The following PCDH9 variants were observed in gnomAD, a reference collection of about 807,000 sequenced individuals.
PCDH9 encodes protocadherin-9.
PCDH9 carries 24 observed loss-of-function variants against 70.6 expected under a neutral mutation model. The observed-to-expected ratio is 0.34, with a 90% CI of 0.25 to 0.48. The LOEUF (loss-of-function observed/expected upper bound fraction) is 0.48, where lower values mean the gene tolerates loss of function less well. PCDH9 is among the 20% of genes least tolerant of loss of function. The probability of loss-of-function intolerance (pLI) is 0.99; values close to 1 mark genes in which losing one functional copy is unlikely to be tolerated. For missense variants in PCDH9, 1,281 were observed against 1,503.6 expected, an observed-to-expected ratio of 0.85 and a Z score of 2.45; for synonymous variants, 562 against 558.5, an observed-to-expected ratio of 1.01 and a Z score of -0.09.
chr13:66,736,681 C>T (rs2079153880), intron 3 of PCDH9, among the ~76,000 whole-genome samples: 2 of 152,310 alleles, frequency 1.3e-5, no homozygotes, highest in Admixed American at 6.5e-5. Flanking sequence ...GTCATTGCAA[C>T]ATTTTTAAAT....
chr13:66,683,286 T>G (rs2078353774), intron 3 of PCDH9, among the ~76,000 whole-genome samples: 1 of 152,176 alleles, frequency 6.6e-6, no homozygotes, highest in Admixed American at 6.6e-5. Context: ...TTTACATGGT[T>G]TAACTGACAA....
In PCDH9 at chr13:67,226,193, G is replaced by T; in HGVS notation, c.2248C>A (p.Arg750Ser). 1 of 1,614,052 alleles carries T rather than the reference G, an allele frequency of 6.2e-7. No individual in the cohort carries two copies. The highest frequency in any genetic ancestry group is 8.5e-7 in the Non-Finnish European group (1 of 1,179,986). Residue 750 changes from arginine (R) to serine (S), a missense_variant, in exon 2 of 5, where the codon CGT (arginine) becomes AGT (serine). Coordinates refer to ENST00000377865, the MANE Select transcript of PCDH9 (RefSeq NM_203487.3). The surrounding 1 kb of genome is among the most constrained non-coding windows in gnomAD (Gnocchi z 5.0). ...AGGTCACTTATGTTGACCACCAAAC[G>T]ATGCAATCCCACATCAGTAGGTGCT... The part of the protein sequence containing the change: ...KPAPTDVGLH[R>S]LVVNISDLGY...
At chr13:66,553,884 CA>C (rs1313134182) in intron 4 of PCDH9, among the ~76,000 whole-genome samples, 1 of 151,970 alleles carries the variant, frequency 6.6e-6, no homozygotes, top group South Asian at 2.1e-4. Context: ...ACTTTATATA[CA>C]AAAATAATAA....
chr13:66,515,303 T>C (rs1198746813), intron 4 of PCDH9, among the ~76,000 whole-genome samples: 2 of 152,026 alleles, frequency 1.3e-5, no homozygotes, highest in Non-Finnish European at 2.9e-5. Context: ...CAAATTCAAG[T>C]TTATTATGCA....
intron 3 of PCDH9, among the ~76,000 whole-genome samples, chr13:66,829,162 C>T (rs1386208908): frequency 3.9e-5 from 6 of 152,062 alleles, no homozygotes; most frequent in Non-Finnish European, 8.8e-5. Context: ...GGACTACAGG[C>T]ATGTGCCACC....
chr13:66,423,984 G>A (rs1321195176), intron 4 of PCDH9, among the ~76,000 whole-genome samples: 1 of 152,052 alleles, frequency 6.6e-6, no homozygotes, highest in Non-Finnish European at 1.5e-5. Context: ...AAAGTCTCAG[G>A]ATACAAAATA....
chr13:66,828,519 C>CATCT (rs1485220447), intron 3 of PCDH9, among the ~76,000 whole-genome samples: 1 of 152,086 alleles, frequency 6.6e-6, no homozygotes, highest in Non-Finnish European at 1.5e-5. Context: ...AAGCCATGGG[C>CATCT]ATCTATAAAC....
At chr13:66,984,525 ATCTGG>A (rs774162976) in intron 2 of PCDH9, among the ~76,000 whole-genome samples, 1 of 152,130 alleles carries the variant, frequency 6.6e-6, no homozygotes, top group Non-Finnish European at 1.5e-5. Context: ...CACTGAAACC[ATCTGG>A]TCTTTGGCTT....
chr13:66,999,080 A>C (rs961781208), intron 2 of PCDH9, among the ~76,000 whole-genome samples: 3 of 152,192 alleles, frequency 2.0e-5, no homozygotes, highest in East Asian at 3.8e-4. Flanking sequence ...ATCATCCTTT[A>C]GAACGTCTTG....
chr13:66,377,804 T>C (rs1956776181), intron 4 of PCDH9, among the ~76,000 whole-genome samples: 1 of 152,228 alleles, frequency 6.6e-6, no homozygotes, highest in African/African-American at 2.4e-5. Flanking sequence ...AGCTAACTGA[T>C]AAAATTCTTG....
chr13:66,584,262 T>C (rs1463977720), intron 4 of PCDH9, among the ~76,000 whole-genome samples: 1 of 152,188 alleles, frequency 6.6e-6, no homozygotes, highest in South Asian at 2.1e-4. Context: ...TTTTATATCA[T>C]ATTAATAGAA....
At chr13:66,683,260 C>A (rs2078353380) in intron 3 of PCDH9, among the ~76,000 whole-genome samples, 2 of 152,090 alleles carry the variant, frequency 1.3e-5, no homozygotes, top group African/African-American at 4.8e-5. Context: ...CCAGTTTAGT[C>A]CAGATATACT....
chr13:67,174,509 C>T (rs2088392391), intron 2 of PCDH9, among the ~76,000 whole-genome samples: 1 of 152,120 alleles, frequency 6.6e-6, no homozygotes, highest in African/African-American at 2.4e-5. Flanking sequence ...AGAGCTAAAG[C>T]TGCATTCGTC....
chr13:66,953,214 T>A (rs932230434), intron 2 of PCDH9, among the ~76,000 whole-genome samples: 1 of 142,224 alleles, frequency 7.0e-6, no homozygotes, highest in Non-Finnish European at 1.5e-5. Context: ...ACGTTCCACA[T>A]GTAAAAAAAA....
intron 2 of PCDH9, among the ~76,000 whole-genome samples, chr13:67,044,496 C>T (rs1372060970): frequency 6.6e-6 from 1 of 152,142 alleles, no homozygotes; most frequent in African/African-American, 2.4e-5. Flanking sequence ...TGTATGCACA[C>T]ACACGTACAA....
intron 4 of PCDH9, among the ~76,000 whole-genome samples, chr13:66,400,961 T>C (rs540532187): frequency 6.6e-6 from 1 of 152,282 alleles, no homozygotes; most frequent in Non-Finnish European, 1.5e-5. Flanking sequence ...TCTTGCCTCC[T>C]TGAACAATTA....
intron 2 of PCDH9, among the ~76,000 whole-genome samples, chr13:67,101,107 C>T (rs894624219): frequency 6.6e-6 from 1 of 152,192 alleles, no homozygotes; most frequent in Non-Finnish European, 1.5e-5. Context: ...TGCAGCTCCT[C>T]ACCCTTACCC....
chr13:67,176,954 C>T (rs187514955), intron 2 of PCDH9, among the ~76,000 whole-genome samples: 16 of 152,120 alleles, frequency 1.1e-4, no homozygotes, highest in Admixed American at 2.6e-4. Flanking sequence ...GAGTTGCCTT[C>T]GTTACTAAAT....
intron 2 of PCDH9, among the ~76,000 whole-genome samples, chr13:67,131,230 A>G (rs764770610): frequency 9.9e-5 from 15 of 152,246 alleles, no homozygotes; most frequent in African/African-American, 3.4e-4. Context: ...TTAGTCCCCA[A>G]TGAGTTATTA....
Sources: gnomAD v4.1 joint callset for allele counts (sites outside exome capture counted in the v4.1 genomes callset) on GRCh38, gnomAD v4.1.1 for gene constraint, Gnocchi (gnomAD v3.1) non-coding constraint, MANE v1.5 for transcripts, NCBI Gene and HGNC (gene_info 2026-07-23, HGNC 2026-07-21) for gene names.